The following DLC1 variants were observed in gnomAD, a reference collection of about 807,000 sequenced individuals.
DLC1 encodes the protein rho GTPase-activating protein 7.
DLC1 carries 54 observed loss-of-function variants against 140.3 expected under a neutral mutation model. The ratio of observed to expected loss-of-function variants is 0.38; its 90% confidence interval spans 0.31 to 0.48. DLC1 has a LOEUF of 0.48. Ranked by LOEUF, DLC1 falls within the 20% of genes least tolerant of loss-of-function variation. DLC1 has a pLI of 0.96. For missense variants in DLC1, 2,536 were observed against 1,907.0 expected, an observed-to-expected ratio of 1.33 and a Z score of -6.14; for synonymous variants, 986 against 728.1, an observed-to-expected ratio of 1.35 and a Z score of -5.70.
At chr8:13,272,522 T>G (rs1195877488) in intron 5 of DLC1, among the ~76,000 whole-genome samples, 1 of 152,156 alleles carries the variant, frequency 6.6e-6, no homozygotes, top group Non-Finnish European at 1.5e-5. Flanking sequence ...CTTAACGTTT[T>G]TAGTTGAGTT....
At chr8:13,113,693 A>G (rs989563132) in intron 6 of DLC1, among the ~76,000 whole-genome samples, 1 of 152,200 alleles carries the variant, frequency 6.6e-6, no homozygotes, top group Admixed American at 6.5e-5. Context: ...AATCCAATAG[A>G]ATGCTGGTCC....
chr8:13,276,431 G>C (rs919525785), intron 5 of DLC1: 2 of 1,431,270 alleles, frequency 1.4e-6, no homozygotes, highest in South Asian at 2.9e-5. Context: ...CGCAGCCCGG[G>C]CGCCGCGACC....
At chr8:13,279,603 T>A (rs1163070533) in intron 5 of DLC1, among the ~76,000 whole-genome samples, 6 of 152,192 alleles carry the variant, frequency 3.9e-5, no homozygotes, top group African/African-American at 1.4e-4. Context: ...AGCTGACAAT[T>A]TGGCCTCTCA....
Position 13,189,203 on chromosome 8 carries a change from G to A in DLC1, c.1349-73546C>T, listed in dbSNP as rs999876237. On this transcript the variant is annotated intron_variant, in intron 5 of 17. Coordinates refer to ENST00000276297, the MANE Select transcript of DLC1 (RefSeq NM_182643.3). Reference sequence around the variant, plus strand: ...TCATTCAACAATAGAGGCTAAAATAGCCTCTTCCTGTTAAGGTTATATACA... The same window carrying A: ...TCATTCAACAATAGAGGCTAAAATAACCTCTTCCTGTTAAGGTTATATACA... Among the ~76,000 whole-genome samples the A allele has an allele frequency of 3.9e-5, 6 of 152,080 alleles. No homozygotes were observed. The East Asian group carries it at 1.2e-3, about 29-fold the overall frequency.
At chr8:13,165,761 T>G (rs1014511584) in intron 5 of DLC1, among the ~76,000 whole-genome samples, 1 of 152,080 alleles carries the variant, frequency 6.6e-6, no homozygotes, top group Non-Finnish European at 1.5e-5. Context: ...CACACATGAG[T>G]GGCAATGATT....
chr8:13,598,528 G>T (rs932964962), intron 1 of DLC1, among the ~76,000 whole-genome samples: 2 of 151,986 alleles, frequency 1.3e-5, no homozygotes, highest in Non-Finnish European at 2.9e-5. Flanking sequence ...TACTATTTTA[G>T]TAATCTATTA....
chr8:13,519,961 C>T (rs1485801635), intron 1 of DLC1, among the ~76,000 whole-genome samples: 2 of 152,060 alleles, frequency 1.3e-5, no homozygotes, highest in Non-Finnish European at 2.9e-5. Context: ...AACATTAAAA[C>T]GTCAGGAAAC....
At chr8:13,214,547 C>A (rs559945034) in intron 5 of DLC1, 1 of 698,282 alleles carries the variant, frequency 1.4e-6, no homozygotes, top group South Asian at 1.7e-5. Context: ...TCCCCCGGCC[C>A]CAACCCCACC....
At chr8:13,393,018 C>A (rs1563309522) in intron 4 of DLC1, among the ~76,000 whole-genome samples, 1 of 152,100 alleles carries the variant, frequency 6.6e-6, no homozygotes, top group Non-Finnish European at 1.5e-5. Context: ...AACCTATTAT[C>A]TATCTATGTC....
Position 13,143,043 on chromosome 8 carries a change from CA to C in DLC1, c.1349-27387del, listed in dbSNP as rs552138951. On this transcript the variant is annotated intron_variant, in intron 5 of 17. Coordinates refer to ENST00000276297, the MANE Select transcript of DLC1 (RefSeq NM_182643.3). ...GGGCAACAAAAGTGAAACTCCGTCT[CA>C]AAAAAAAAAAAAAAGGCAGAATTAG... Among the ~76,000 whole-genome samples the C allele has an allele frequency of 8.0e-3, 967 of 121,382 alleles. 3 individuals are homozygous for C. The highest frequency in any genetic ancestry group is 0.023 in the African/African-American group (744 of 32,740). 79.6% of individuals were successfully genotyped at this position (121,382 alleles called of 152,430 possible). A position where few individuals can be genotyped will look rare whatever the true frequency, so the allele number is the denominator to read the frequency against.
At chr8:13,324,140 T>G (rs1324273208) in intron 4 of DLC1, among the ~76,000 whole-genome samples, 1 of 152,214 alleles carries the variant, frequency 6.6e-6, no homozygotes, top group East Asian at 1.9e-4. Flanking sequence ...TTTTAATTTT[T>G]TTGTTGTTGT....
At chr8:13,248,541 C>G (rs1406745736) in intron 5 of DLC1, among the ~76,000 whole-genome samples, 1 of 152,176 alleles carries the variant, frequency 6.6e-6, no homozygotes, top group Non-Finnish European at 1.5e-5. Flanking sequence ...ATATACTTCC[C>G]TTTAACTCCA....
intron 6 of DLC1, 122 bp from the exon 7 acceptor site, chr8:13,110,945 C>T: frequency 1.3e-6 from 1 of 791,292 alleles, no homozygotes; most frequent in Middle Eastern, 2.3e-4. Flanking sequence ...CTGTAGGACA[C>T]CTCATTCCCC....
chr8:13,248,731 TCCCTCTCCACAGCTGGGTGG>T (rs2117273733), intron 5 of DLC1, among the ~76,000 whole-genome samples: 2 of 152,228 alleles, frequency 1.3e-5, no homozygotes, highest in South Asian at 4.1e-4. Context: ...ATCCCATGTC[TCCCTCTCCACAGCTGGGTGG>T]AGCCAGTCTT....
intron 4 of DLC1, among the ~76,000 whole-genome samples, chr8:13,352,000 C>A (rs1270286227): frequency 6.6e-6 from 1 of 152,200 alleles, no homozygotes; most frequent in Admixed American, 6.5e-5. Flanking sequence ...TCCCAAAGTG[C>A]TGGGATTACA....
chr8:13,260,002 A>C (rs1405293251), intron 5 of DLC1, among the ~76,000 whole-genome samples: 1 of 152,240 alleles, frequency 6.6e-6, no homozygotes, highest in Non-Finnish European at 1.5e-5. Flanking sequence ...AATGAAAAGC[A>C]GAAGGAATTT....
intron 5 of DLC1, among the ~76,000 whole-genome samples, chr8:13,188,801 G>A (rs867140542): frequency 0.021 from 1,495 of 71,558 alleles, 58 homozygotes; most frequent in African/African-American, 0.095. Flanking sequence ...GTGTGTGTGT[G>A]TATATATATA....
At position 13,085,561 on chromosome 8, in the gene DLC1, T is replaced by A. The variant is rs766980175; in HGVS notation, c.*250A>T. ...TTTTGCTTCTCAGAAGCAATTTGAA[T>A]AAGAATACACATAAATTTTTTTTTT... On this transcript the variant is annotated 3_prime_UTR_variant, in exon 18 of 18. Transcript: ENST00000276297. 2 of 333,430 alleles carry A rather than the reference T, an allele frequency of 6.0e-6. No homozygotes were observed. The highest frequency in any genetic ancestry group is 7.0e-5 in the South Asian group (1 of 14,186). 20.7% of individuals were successfully genotyped at this position (333,430 alleles called of 1,614,324 possible). A position where few individuals can be genotyped will look rare whatever the true frequency, so the allele number is the denominator to read the frequency against.
In DLC1 at chr8:13,231,239, C is replaced by T. The variant is rs531412791; in HGVS notation, c.1348+74030G>A. Among the ~76,000 whole-genome samples, 36 of 151,704 alleles carry T rather than the reference C, an allele frequency of 2.4e-4. 1 individual carries two copies. The highest frequency in any genetic ancestry group is 2.0e-3 in the Admixed American group (30 of 15,244). ...AAGATGAAAAAAAAAAAATCAAGTG[C>T]GGGATTTTCATTCTTCTTAACTGAT... On this transcript the variant is annotated intron_variant, in intron 5 of 17. Transcript: ENST00000276297.
Sources: allele counts gnomAD v4.1 joint callset (sites outside exome capture counted in the v4.1 genomes callset), GRCh38; gene constraint gnomAD v4.1.1; transcripts MANE v1.5; gene names NCBI Gene and HGNC (gene_info 2026-07-23, HGNC 2026-07-21).